SMARCE1: variants seen among roughly 807,000 people sequenced by gnomAD.
The protein encoded by SMARCE1 is SWI/SNF related BAF chromatin remodeling complex subunit E1.
In SMARCE1, 13 loss-of-function variants were observed where a neutral mutation model predicts 54.9. The observed-to-expected ratio is 0.24, with a 90% CI of 0.15 to 0.38. SMARCE1 has a LOEUF of 0.38. Ranked by LOEUF, SMARCE1 falls within the 10% of genes least tolerant of loss-of-function variation. The pLI is 1.00. For synonymous variants in SMARCE1, 151 were observed against 175.3 expected, an observed-to-expected ratio of 0.86 and a Z score of 1.10; for missense variants, 295 against 523.8, an observed-to-expected ratio of 0.56 and a Z score of 4.26.
chr17:40,637,684 T>A, intron 4 of SMARCE1, 112 bp from the exon 5 acceptor site: 1 of 745,194 alleles, frequency 1.3e-6, no homozygotes, highest in East Asian at 2.6e-5. Context: ...CGTCCAAATA[T>A]TTTCTTCACT....
intron 7 of SMARCE1, chr17:40,633,142 A>C (rs2037112272): frequency 6.6e-6 from 1 of 152,180 alleles, no homozygotes; most frequent in Non-Finnish European, 1.5e-5. Context: ...CCCAAGTAGC[A>C]GGAATTACAG....
At chr17:40,646,261 G>T (rs2037255440) in intron 1 of SMARCE1, among the ~76,000 whole-genome samples, 1 of 152,118 alleles carries the variant, frequency 6.6e-6, no homozygotes, top group Admixed American at 6.6e-5. Context: ...ATGCTTTTGG[G>T]ATAACAATTT....
intron 5 of SMARCE1, chr17:40,636,728 A>C (rs1057197670): frequency 6.3e-6 from 3 of 478,158 alleles, no homozygotes; most frequent in African/African-American, 5.9e-5. Context: ...ACTTTAAGAT[A>C]GATCTCAGAC....
chr17:40,642,495 T>C lies in SMARCE1; in HGVS notation c.116A>G (p.Tyr39Cys). The C allele has an allele frequency of 6.2e-7, 1 of 1,612,680 alleles. No individual in the cohort carries two copies. Among genetic ancestry groups the C allele is most frequent in the Non-Finnish European group, 8.5e-7 (1 of 1,179,418 alleles). ...NPYSHLAYNN[Y>C]RLGGNPGTNS... ...GGTGCCCGGGTTCCCTCCCAGCCTGTAGTTGTTGTAGGCGAGATGACTGTA... is the reference window on the plus strand; with the variant it reads ...GGTGCCCGGGTTCCCTCCCAGCCTGCAGTTGTTGTAGGCGAGATGACTGTA... The change falls in exon 4 of 11, where the codon TAC becomes TGC. Residue 39 changes from tyrosine (Y) to cysteine (C), a missense_variant. By Grantham distance (194) the Tyr-to-Cys change is radical (BLOSUM62 -2). Coordinates refer to ENST00000348513, the MANE Select transcript of SMARCE1 (RefSeq NM_003079.5). This position sits in a 1 kb window ranked among gnomAD's most constrained non-coding sequence, Gnocchi z 4.6.
Position 40,632,192 on chromosome 17 carries a change from T to C in SMARCE1, c.714+3A>G. Reference sequence around the variant, plus strand: ...TATTGAAATGAATGTTTTATGACTTTACCTGATGAACCATTAAGGACTGGA... The same window carrying C: ...TATTGAAATGAATGTTTTATGACTTCACCTGATGAACCATTAAGGACTGGA... On this transcript the variant is annotated splice_donor_region_variant and intron_variant, in intron 8 of 10. Transcript: ENST00000348513. 2 of 1,608,862 alleles carry C rather than the reference T, an allele frequency of 1.2e-6. No individual in the cohort carries two copies. Among genetic ancestry groups the C allele is most frequent in the Non-Finnish European group, 1.7e-6 (2 of 1,177,334 alleles).
chr17:40,645,674 C>A, intron 2 of SMARCE1, 55 bp from the exon 3 acceptor site: 4 of 1,281,274 alleles, frequency 3.1e-6, no homozygotes, highest in Middle Eastern at 1.9e-4. Flanking sequence ...TAATACTATG[C>A]AACAAAACTA....
At chr17:40,630,215 G>A in intron 10 of SMARCE1, 1 of 1,475,318 alleles carries the variant, frequency 6.8e-7, no homozygotes, top group Non-Finnish European at 9.3e-7. Context: ...TACCTTGAGG[G>A]ATGCTTTTAA....
At chr17:40,635,805 A>G (rs1035127232) in intron 7 of SMARCE1, 126 bp downstream of exon 7, 4 of 682,258 alleles carry the variant, frequency 5.9e-6, no homozygotes, top group South Asian at 7.6e-5. Context: ...CCAAAATACT[A>G]AGACGATACT....
intron 1 of SMARCE1, among the ~76,000 whole-genome samples, chr17:40,646,494 TC>T (rs1204659062): frequency 5.3e-5 from 8 of 152,198 alleles, no homozygotes; most frequent in Non-Finnish European, 8.8e-5. Flanking sequence ...AATTAACTGC[TC>T]CCCCATCTGT....
In SMARCE1 at chr17:40,632,181, T is replaced by C. The variant is rs199651910; in HGVS notation, c.714+14A>G. The C allele has an allele frequency of 1.9e-6, 3 of 1,601,226 alleles. No individual in the cohort carries two copies. In the East Asian group the frequency reaches 6.7e-5, roughly 36 times the overall value. On this transcript the variant is annotated intron_variant, in intron 8 of 10. Coordinates refer to ENST00000348513, the MANE Select transcript of SMARCE1 (RefSeq NM_003079.5). ...TAGGCACATCTTATTGAAATGAATGTTTTATGACTTTACCTGATGAACCAT... is the reference window on the plus strand; with the variant it reads ...TAGGCACATCTTATTGAAATGAATGCTTTATGACTTTACCTGATGAACCAT...
chr17:40,638,632 C>T (rs892307926), intron 4 of SMARCE1, among the ~76,000 whole-genome samples: 1 of 151,948 alleles, frequency 6.6e-6, no homozygotes, highest in African/African-American at 2.4e-5. Flanking sequence ...TACATGACTG[C>T]ATTTGATTAA....
At chr17:40,636,788 C>A in intron 5 of SMARCE1, 1 of 310,124 alleles carries the variant, frequency 3.2e-6, no homozygotes, top group Non-Finnish European at 6.0e-6. Context: ...AAGAATATCT[C>A]CAATCACTAC....
Position 40,642,349 on chromosome 17 carries a change from AT to A in SMARCE1, c.156+105del, listed in dbSNP as rs200403791. The A allele has an allele frequency of 1.1e-5, 9 of 787,288 alleles. No individual in the cohort carries two copies. Among genetic ancestry groups the A allele is most frequent in the Admixed American group, 1.9e-5 (1 of 52,592 alleles). 48.8% of individuals were successfully genotyped at this position (787,288 alleles called of 1,614,324 possible). Reference sequence around the variant, plus strand: ...AATACTCAAAAAGCTAGGTTAAAAAATTTTTTTTAAATGGCTGTGCTTATGA... The same window carrying A: ...AATACTCAAAAAGCTAGGTTAAAAAATTTTTTTAAATGGCTGTGCTTATGA... On this transcript the variant is annotated intron_variant, in intron 4 of 10. Transcript: ENST00000348513. The surrounding 1 kb of genome is among the most constrained non-coding windows in gnomAD (Gnocchi z 4.6).
In SMARCE1 at chr17:40,628,729, C is replaced by A. The variant is rs1170622082; in HGVS notation, c.*56G>T. 3 of 1,479,998 alleles carry A rather than the reference C, an allele frequency of 2.0e-6. No homozygotes were observed. The highest frequency in any genetic ancestry group is 2.8e-5 in the African/African-American group (2 of 71,906). 91.7% of individuals were successfully genotyped at this position (1,479,998 alleles called of 1,614,324 possible). On this transcript the variant is annotated 3_prime_UTR_variant, in exon 11 of 11. Coordinates refer to ENST00000348513, the MANE Select transcript of SMARCE1 (RefSeq NM_003079.5). ...ACAAACCACGTAACACCATTAAAAC[C>A]AAAAAACATTTTTTCATTAAAAAAA... is the stretch of plus-strand genomic sequence containing the variant.
intron 1 of SMARCE1, chr17:40,647,448 C>G (rs2037270843): frequency 6.5e-6 from 1 of 153,086 alleles, no homozygotes; most frequent in South Asian, 2.1e-4. Context: ...GGGTGAACCA[C>G]GGACCTGCCT....
intron 4 of SMARCE1, 138 bp from the exon 5 acceptor site, chr17:40,637,710 T>C (rs2037159817): frequency 1.5e-6 from 1 of 645,776 alleles, no homozygotes; most frequent in South Asian, 1.9e-5. Context: ...TAGCTATCAC[T>C]GCAAATTCAG....
chr17:40,645,840 C>T lies in SMARCE1; in HGVS notation c.-38G>A. 1 of 973,946 alleles carries T rather than the reference C, an allele frequency of 1.0e-6. No homozygotes were observed. Among genetic ancestry groups the T allele is most frequent in the Non-Finnish European group, 1.4e-6 (1 of 712,186 alleles). The allele number at this position is 973,946 out of a possible 1,614,324, so 60.3% of individuals were successfully genotyped here. On this transcript the variant is annotated 5_prime_UTR_variant, in exon 2 of 11. Coordinates refer to ENST00000348513, the MANE Select transcript of SMARCE1 (RefSeq NM_003079.5). ...AGTTCTCAGTTCCTTAAGAATGAAT[C>T]TGAGACACTAAAATAAAAAAAAAAG...
At chr17:40,637,940 C>T (rs2037161617) in intron 4 of SMARCE1, among the ~76,000 whole-genome samples, 2 of 152,274 alleles carry the variant, frequency 1.3e-5, no homozygotes, top group South Asian at 2.1e-4. Context: ...ACAGTCAACA[C>T]TTGATTATCT....
rs1010480037 is a variant in SMARCE1 at position 40,626,336 on chromosome 17, C to A, written c.*2449G>T. The A allele has an allele frequency of 6.6e-6, 1 of 152,024 alleles. No individual in the cohort carries two copies. Among genetic ancestry groups the A allele is most frequent in the African/African-American group, 2.4e-5 (1 of 41,376 alleles). 9.4% of individuals were successfully genotyped at this position (152,024 alleles called of 1,614,324 possible). ...TGCATTCATACTCAAAATAAATGCACTAAAAATCAAGGAGCAGTAAGGGCA... is the reference window on the plus strand; with the variant it reads ...TGCATTCATACTCAAAATAAATGCAATAAAAATCAAGGAGCAGTAAGGGCA... On this transcript the variant is annotated 3_prime_UTR_variant, in exon 11 of 11. Coordinates refer to ENST00000348513, the MANE Select transcript of SMARCE1 (RefSeq NM_003079.5).
Sources: gnomAD v4.1 joint callset for allele counts (sites outside exome capture counted in the v4.1 genomes callset) on GRCh38, gnomAD v4.1.1 for gene constraint, Gnocchi (gnomAD v3.1) non-coding constraint, MANE v1.5 for transcripts, NCBI Gene and HGNC (gene_info 2026-07-23, HGNC 2026-07-21) for gene names.